DOK5: variants seen among roughly 807,000 people sequenced by gnomAD.
DOK5 encodes the protein docking protein 5.
DOK5 carries 27 observed loss-of-function variants against 43.3 expected under a neutral mutation model. The ratio of observed to expected loss-of-function variants is 0.62; its 90% confidence interval spans 0.46 to 0.86. The LOEUF (loss-of-function observed/expected upper bound fraction) is 0.86. Among genes scored for constraint, DOK5 ranks in the 40% least tolerant of loss-of-function variants. The pLI is 0.00. For missense variants in DOK5, 373 were observed against 392.9 expected, an observed-to-expected ratio of 0.95 and a Z score of 0.43; for synonymous variants, 146 against 140.1, an observed-to-expected ratio of 1.04 and a Z score of -0.30.
At chr20:54,597,787 A>G (rs940964041) in intron 5 of DOK5, among the ~76,000 whole-genome samples, 2 of 152,150 alleles carry the variant, frequency 1.3e-5, no homozygotes, top group African/African-American at 4.8e-5. Context: ...CTCACCTTCT[A>G]CTGGAGGTTA....
At chr20:54,498,067 T>A (rs2146675388) in intron 1 of DOK5, among the ~76,000 whole-genome samples, 1 of 152,316 alleles carries the variant, frequency 6.6e-6, no homozygotes, top group Non-Finnish European at 1.5e-5. Context: ...GTAACATCAC[T>A]AAATTTTTCT....
chr20:54,515,215 G>T (rs1342143447), intron 1 of DOK5, among the ~76,000 whole-genome samples: 1 of 152,068 alleles, frequency 6.6e-6, no homozygotes, highest in Non-Finnish European at 1.5e-5. Context: ...GTTTCACTAT[G>T]TTGGCCAGGC....
rs1038422985 is a variant in DOK5, at chr20:54,629,122, T to G, written c.736-14336T>G. ...TTCCCCTGGTTTTCATTTTCTAGTGTCATTTGGAGAAAAACAAAAGGGTTG... is the reference window on the plus strand; with the variant it reads ...TTCCCCTGGTTTTCATTTTCTAGTGGCATTTGGAGAAAAACAAAAGGGTTG... On this transcript the variant is annotated intron_variant, in intron 6 of 7. Transcript: ENST00000262593. 2.6e-5 allele frequency among the ~76,000 whole-genome samples: 4 copies of G among 152,218 alleles called. No individual in the cohort carries two copies. In the East Asian group the frequency reaches 5.8e-4, roughly 22 times the overall value.
chr20:54,499,000 T>C (rs1248422582), intron 1 of DOK5, among the ~76,000 whole-genome samples: 1 of 152,238 alleles, frequency 6.6e-6, no homozygotes, highest in East Asian at 1.9e-4. Flanking sequence ...CAGCACTATA[T>C]GCTTGTACAG....
intron 1 of DOK5, among the ~76,000 whole-genome samples, chr20:54,490,610 G>A (rs1024815900): frequency 2.6e-5 from 4 of 151,914 alleles, no homozygotes; most frequent in South Asian, 2.1e-4. Flanking sequence ...TTTTTGAGAC[G>A]GAGTCTTGCT....
chr20:54,546,434 AC>A (rs2146720844), intron 1 of DOK5, among the ~76,000 whole-genome samples: 1 of 152,280 alleles, frequency 6.6e-6, no homozygotes, highest in East Asian at 1.9e-4. Flanking sequence ...GTACTAGGGT[AC>A]ATGTGCACAA....
intron 1 of DOK5, among the ~76,000 whole-genome samples, chr20:54,523,096 G>C (rs181801936): frequency 2.4e-4 from 37 of 152,220 alleles, no homozygotes; most frequent in Admixed American, 6.5e-4. Flanking sequence ...CAAAGAGAAA[G>C]GCTTGTATTT....
intron 5 of DOK5, among the ~76,000 whole-genome samples, chr20:54,604,943 A>T (rs902952397): frequency 2.0e-5 from 3 of 151,550 alleles, no homozygotes; most frequent in Non-Finnish European, 2.9e-5. Flanking sequence ...GAAAGGTTGC[A>T]GTGAGCCAAG....
intron 6 of DOK5, among the ~76,000 whole-genome samples, chr20:54,640,291 A>G (rs1421187995): frequency 6.6e-6 from 1 of 152,210 alleles, no homozygotes; most frequent in African/African-American, 2.4e-5. Context: ...GCTCCAGGTA[A>G]CCCAATTTCA....
chr20:54,551,195 C>A (rs1429515542), intron 1 of DOK5, among the ~76,000 whole-genome samples: 1 of 152,184 alleles, frequency 6.6e-6, no homozygotes, highest in African/African-American at 2.4e-5. Flanking sequence ...ATCTGCGCAC[C>A]CTCTCCGGTG....
intron 1 of DOK5, among the ~76,000 whole-genome samples, chr20:54,552,632 T>A (rs1984569589): frequency 6.6e-6 from 1 of 152,164 alleles, no homozygotes; most frequent in Admixed American, 6.5e-5. Flanking sequence ...TTATATATTG[T>A]AGAAGTATTA....
intron 5 of DOK5, among the ~76,000 whole-genome samples, chr20:54,602,962 C>G (rs532576670): frequency 4.6e-5 from 7 of 152,200 alleles, no homozygotes; most frequent in Non-Finnish European, 8.8e-5. Flanking sequence ...TGAGCCACCG[C>G]GCCCAGACTT....
chr20:54,613,744 A>C (rs1198391718), intron 6 of DOK5, among the ~76,000 whole-genome samples: 7 of 152,174 alleles, frequency 4.6e-5, no homozygotes, highest in Non-Finnish European at 1.0e-4. Context: ...CTGTAATCCC[A>C]ATATTTTAGG....
chr20:54,650,616 A>G lies in DOK5; in HGVS notation c.*137A>G. 1.5e-6 allele frequency: 1 copy of G among 678,486 alleles called. No individual in the cohort carries two copies. The highest frequency in any genetic ancestry group is 2.4e-6 in the Non-Finnish European group (1 of 409,574). The allele number at this position is 678,486 out of a possible 1,614,324, so 42.0% of individuals were successfully genotyped here. A position where few individuals can be genotyped will look rare whatever the true frequency, so the allele number is the denominator to read the frequency against. ...TCCTGGCTAATTGTGTGGTCATTGG[A>G]AAACTCTGCAATACAATAATTTTCT... is the stretch of plus-strand genomic sequence containing the variant. On this transcript the variant is annotated 3_prime_UTR_variant, in exon 8 of 8. Transcript: ENST00000262593.
chr20:54,521,446 A>T (rs1329940676), intron 1 of DOK5, among the ~76,000 whole-genome samples: 4 of 152,098 alleles, frequency 2.6e-5, no homozygotes, highest in African/African-American at 9.7e-5. Context: ...TTCATAATTC[A>T]CTAGAACAAC....
At chr20:54,554,230 G>A (rs543016637) in intron 1 of DOK5, among the ~76,000 whole-genome samples, 4 of 152,276 alleles carry the variant, frequency 2.6e-5, no homozygotes, top group Non-Finnish European at 4.4e-5. Flanking sequence ...AGATTGTGAA[G>A]AACTAAAATG....
intron 2 of DOK5, among the ~76,000 whole-genome samples, chr20:54,570,833 T>G (rs932698224): frequency 1.3e-5 from 2 of 152,238 alleles, no homozygotes; most frequent in African/African-American, 2.4e-5. Flanking sequence ...CCCGTCTAGT[T>G]ACAAAATAAT....
intron 6 of DOK5, among the ~76,000 whole-genome samples, chr20:54,639,015 A>T (rs544055502): frequency 1.2e-4 from 19 of 152,250 alleles, no homozygotes; most frequent in African/African-American, 4.1e-4. Flanking sequence ...GCTCAGATGT[A>T]TTTGAAAAAT....
chr20:54,476,207 ATCTCTTGG>A (rs1981418820), intron 1 of DOK5, 195 bp downstream of exon 1: 1 of 984,958 alleles, frequency 1.0e-6, no homozygotes. Flanking sequence ...ATCTATCTTT[ATCTCTTGG>A]ATGACTTGGC....
Sources: allele counts gnomAD v4.1 joint callset (sites outside exome capture counted in the v4.1 genomes callset), GRCh38; gene constraint gnomAD v4.1.1; transcripts MANE v1.5; gene names NCBI Gene and HGNC (gene_info 2026-07-23, HGNC 2026-07-21).